Variants in PRR35 observed in about 807,000 individuals in gnomAD.
The protein encoded by PRR35 is proline rich 35, also known as proline-rich protein 35.
PRR35 carries 14 observed loss-of-function variants against 18.6 expected under a neutral mutation model. The ratio of observed to expected loss-of-function variants is 0.75; its 90% CI spans 0.50 to 1.18. The LOEUF (loss-of-function observed/expected upper bound fraction) is 1.18, where lower values mean the gene tolerates loss of function less well. Among genes scored for constraint, PRR35 ranks in the 50% most tolerant of loss-of-function variants. The probability of loss-of-function intolerance (pLI) is 0.00; values close to 1 mark genes in which losing one functional copy is unlikely to be tolerated. For missense variants in PRR35, 832 were observed against 792.2 expected (o/e 1.05, Z -0.60); for synonymous variants, 425 against 378.2 (o/e 1.12, Z -1.43).
In PRR35 at chr16:564,280, C is replaced by T. The variant is rs759707844; in HGVS notation, c.986C>T (p.Ala329Val). 46 of 1,576,792 alleles carry T rather than the reference C, an allele frequency of 2.9e-5. No individual in the cohort carries two copies. Among genetic ancestry groups the T allele is most frequent in the Non-Finnish European group, 3.9e-5 (45 of 1,166,156 alleles). Residue 329 changes from alanine (A) to valine (V), a missense_variant, in exon 2 of 3, where the codon GCA becomes GTA. By Grantham distance (64) the Ala-to-Val change is moderately conservative. Coordinates refer to ENST00000409413, the MANE Select transcript of PRR35 (RefSeq NM_145270.3). ...GGGCAGGAGGGGGAGCTGGAGCGGG[C>T]AGCCCAGAGTGACCCCAGGAGGAGG... Reference protein sequence around the residue: ...DPGQEGELERAAQSDPRRRLS... With the variant: ...DPGQEGELERVAQSDPRRRLS...
At chr16:562,717 T>TG (rs1367206129) in intron 1 of PRR35, among the ~76,000 whole-genome samples, 3 of 152,242 alleles carry the variant, frequency 2.0e-5, no homozygotes, top group Non-Finnish European at 4.4e-5. Flanking sequence ...CCAGGGTTGC[T>TG]GGAGGGAATG....
upstream of PRR35, chr16:560,243 C>A (rs2035410543): frequency 6.4e-5 from 46 of 716,178 alleles, no homozygotes; most frequent in Non-Finnish European, 7.7e-5. Context: ...CCGGTGAGTG[C>A]GCGCCAGGGG....
Position 563,334 on chromosome 16 carries a change from G to A in PRR35, c.40G>A (p.Ala14Thr), listed in dbSNP as rs199591037. Reference sequence around the variant, plus strand: ...GGGCTCATGCCGCGTGGGCACAGGGGCGAGGGCGCGGTCTCGGAAGCCCAA... The same window carrying A: ...GGGCTCATGCCGCGTGGGCACAGGGACGAGGGCGCGGTCTCGGAAGCCCAA... The part of the protein sequence containing the change: ...EAGSCRVGTG[A>T]RARSRKPKKP... Residue 14 changes from alanine (A) to threonine (T), a missense_variant, in exon 2 of 3, where the codon GCG becomes ACG. Transcript: ENST00000409413. 6.2e-7 allele frequency: 1 copy of A among 1,611,618 alleles called. No homozygotes were observed. The highest frequency in any genetic ancestry group is 8.5e-7 in the Non-Finnish European group (1 of 1,179,560).
upstream of PRR35, chr16:559,850 G>A (rs1412883217): frequency 1.3e-6 from 1 of 749,680 alleles, no homozygotes; most frequent in African/African-American, 1.9e-5. Context: ...CGGAGGGCAG[G>A]GCTCGCCCAG....
Position 565,218 on chromosome 16 carries a change from A to G in PRR35, c.1627A>G (p.Ser543Gly). Residue 543 changes from serine (S) to glycine (G), a missense_variant, in exon 3 of 3, where the codon AGT (serine) becomes GGT (glycine). Transcript: ENST00000409413. ...AAPDDPVIPG[S>G]GWGTCVATRS... is the part of the protein sequence containing the mutation. ...CCCAGATGACCCTGTCATTCCTGGC[A>G]GTGGCTGGGGCACCTGTGTTGCGAC... 2 of 1,609,926 alleles carry G rather than the reference A, an allele frequency of 1.2e-6. No homozygotes were observed. The highest frequency in any genetic ancestry group is 2.7e-5 in the African/African-American group (2 of 74,914).
Position 560,537 on chromosome 16 carries a change from C to T in PRR35, c.-164C>T, listed in dbSNP as rs2035414945. On this transcript the variant is annotated 5_prime_UTR_variant, in exon 1 of 3. Transcript: ENST00000409413. The stretch of plus-strand genomic sequence containing the variant: ...TTTCCCCCACGGGAGCCGCATCCCA[C>T]CCCCAGAGCCCCAGCGCGTCCGCGG... 3 of 982,956 alleles carry T rather than the reference C, an allele frequency of 3.1e-6. No individual in the cohort carries two copies. The highest frequency in any genetic ancestry group is 3.6e-6 in the Non-Finnish European group (3 of 828,920). 60.9% of individuals were successfully genotyped at this position (982,956 alleles called of 1,614,324 possible).
At chr16:561,715 G>A in intron 1 of PRR35, 1 of 985,176 alleles carries the variant, frequency 1.0e-6, no homozygotes, top group Non-Finnish European at 1.2e-6. Flanking sequence ...CAGTGTTTTG[G>A]GGGCAGCAGA....
chr16:559,953 C>A (rs557788452), upstream of PRR35, among the ~76,000 whole-genome samples: 371 of 152,272 alleles, frequency 2.4e-3, 4 homozygotes, highest in African/African-American at 8.3e-3. Context: ...TCGGGTGGGC[C>A]GGCGGCTGTC....
chr16:564,269 G>A lies in PRR35; in HGVS notation c.975G>A (p.Glu325=), dbSNP rs1229904751. ...CCAGGGACCCAGGGCAGGAGGGGGA[G>A]CTGGAGCGGGCAGCCCAGAGTGACC... ...VTPRDPGQEG[E]LERAAQSDPR... is the part of the protein sequence containing the mutation. The change falls in exon 2 of 3, where the codon GAG becomes GAA. Residue 325 remains glutamate (E), a synonymous_variant. Coordinates refer to ENST00000409413, the MANE Select transcript of PRR35 (RefSeq NM_145270.3). The A allele has an allele frequency of 6.3e-7, 1 of 1,577,038 alleles. No individual in the cohort carries two copies. The highest frequency in any genetic ancestry group is 1.8e-5 in the Admixed American group (1 of 55,580).
chr16:564,855 C>G lies in PRR35; in HGVS notation c.1264C>G (p.Leu422Val), dbSNP rs755254395. Reference protein sequence around the residue: ...LGDYARVEQRLGQLGPAGGLA... With the variant: ...LGDYARVEQRVGQLGPAGGLA... The stretch of plus-strand genomic sequence containing the variant: ...TGACTACGCCAGGGTGGAGCAGCGC[C>G]TGGGACAGTTGGGGCCCGCGGGGGG... Residue 422 changes from leucine to valine, a missense_variant, in exon 3 of 3, where the codon CTG becomes GTG. Leu to Val is a conservative substitution (Grantham distance 32, BLOSUM62 1). Transcript: ENST00000409413. The G allele has an allele frequency of 9.6e-6, 15 of 1,564,136 alleles. 1 individual carries two copies. The South Asian group carries it at 1.7e-4, about 17-fold the overall frequency.
upstream of PRR35, among the ~76,000 whole-genome samples, chr16:560,089 T>G (rs938576633): frequency 6.6e-6 from 1 of 151,710 alleles, no homozygotes; most frequent in African/African-American, 2.4e-5. Flanking sequence ...CGCGGCAGCC[T>G]GCGGGCAACG....
At position 565,257 on chromosome 16, in the gene PRR35, A is replaced by T; in HGVS notation, c.1666A>T (p.Thr556Ser). 1 of 1,585,192 alleles carries T rather than the reference A, an allele frequency of 6.3e-7. No individual in the cohort carries two copies. The highest frequency in any genetic ancestry group is 8.6e-7 in the Non-Finnish European group (1 of 1,166,146). The change falls in exon 3 of 3, where the codon ACC becomes TCC. Residue 556 changes from threonine (T) to serine (S), a missense_variant. Coordinates refer to ENST00000409413, the MANE Select transcript of PRR35 (RefSeq NM_145270.3). ...CTGTGTTGCGACGAGGAGTTCCCAG[A>T]CCCCTGAGGCTGTCTGTGGCCTGCA... ...GTCVATRSSQ[T>S]PEAVCGLQSP...
chr16:561,522 CG>C (rs765046281), intron 1 of PRR35, among the ~76,000 whole-genome samples: 23 of 152,334 alleles, frequency 1.5e-4, no homozygotes, highest in Non-Finnish European at 2.9e-4. Flanking sequence ...TGCAGCCCCT[CG>C]GGGAGCCCCA....
intron 1 of PRR35, among the ~76,000 whole-genome samples, chr16:563,035 C>CTTTTT (rs61007293): frequency 0.15 from 18,989 of 130,514 alleles, 1,801 homozygotes; most frequent in South Asian, 0.28. Context: ...CTGTCCTGGA[C>CTTTTT]TTTTTTTTTT....
In PRR35 at chr16:565,395, C is replaced by T. The variant is rs1156545761; in HGVS notation, c.*88C>T. On this transcript the variant is annotated 3_prime_UTR_variant, in exon 3 of 3. Coordinates refer to ENST00000409413, the MANE Select transcript of PRR35 (RefSeq NM_145270.3). ...CTGCCCCTCACCTGCCTGGGACCTG[C>T]CCCGCCTCCGCATGCATGTGGATAG... 12 of 1,332,308 alleles carry T rather than the reference C, an allele frequency of 9.0e-6. No individual in the cohort carries two copies. Among genetic ancestry groups the T allele is most frequent in the South Asian group, 1.6e-5 (1 of 61,176 alleles). 82.5% of individuals were successfully genotyped at this position (1,332,308 alleles called of 1,614,324 possible).
In PRR35 at chr16:560,542, A is replaced by T; in HGVS notation, c.-159A>T. 1 of 982,824 alleles carries T rather than the reference A, an allele frequency of 1.0e-6. No individual in the cohort carries two copies. Among genetic ancestry groups the T allele is most frequent in the Non-Finnish European group, 1.2e-6 (1 of 828,882 alleles). The allele number at this position is 982,824 out of a possible 1,614,324, so 60.9% of individuals were successfully genotyped here. ...CCCACGGGAGCCGCATCCCACCCCCAGAGCCCCAGCGCGTCCGCGGGGTCC... is the reference window on the plus strand; with the variant it reads ...CCCACGGGAGCCGCATCCCACCCCCTGAGCCCCAGCGCGTCCGCGGGGTCC... On this transcript the variant is annotated 5_prime_UTR_variant, in exon 1 of 3. Transcript: ENST00000409413.
intron 1 of PRR35, among the ~76,000 whole-genome samples, chr16:562,101 C>T (rs1247358219): frequency 1.3e-5 from 2 of 152,246 alleles, no homozygotes; most frequent in African/African-American, 2.4e-5. Context: ...GTGCTGTGCA[C>T]CCCACACAGG....
In PRR35 at chr16:562,378, C is replaced by T. The variant is rs534202307; in HGVS notation, c.-39-878C>T. On this transcript the variant is annotated intron_variant, in intron 1 of 2. Transcript: ENST00000409413. Reference sequence around the variant, plus strand: ...TAAGAGACCCCCAGTGCCCACCTGACGCCCTGCTAGAGCAGGCTCTGTGCC... The same window carrying T: ...TAAGAGACCCCCAGTGCCCACCTGATGCCCTGCTAGAGCAGGCTCTGTGCC... 1.1e-4 allele frequency among the ~76,000 whole-genome samples: 17 copies of T among 152,382 alleles called. No homozygotes were observed. In the East Asian group the frequency reaches 2.5e-3, roughly 22 times the overall value.
rs1288696459 is a variant in PRR35 at position 563,348 on chromosome 16, T to C, written c.54T>C (p.Ser18=). The C allele has an allele frequency of 4.3e-6, 7 of 1,612,016 alleles. No individual in the cohort carries two copies. Among genetic ancestry groups the C allele is most frequent in the South Asian group, 3.3e-5 (3 of 91,084 alleles). Residue 18 remains serine (S), a synonymous_variant, in exon 2 of 3, where the codon TCT becomes TCC. Transcript: ENST00000409413. ...TGGGCACAGGGGCGAGGGCGCGGTCTCGGAAGCCCAAGAAGCCACACTACA... is the reference window on the plus strand; with the variant it reads ...TGGGCACAGGGGCGAGGGCGCGGTCCCGGAAGCCCAAGAAGCCACACTACA... ...CRVGTGARAR[S]RKPKKPHYIP... is the part of the protein sequence containing the mutation.
Sources: allele counts gnomAD v4.1 joint callset (sites outside exome capture counted in the v4.1 genomes callset), GRCh38; gene constraint gnomAD v4.1.1; transcripts MANE v1.5; gene names NCBI Gene and HGNC (gene_info 2026-07-23, HGNC 2026-07-21).